CELSR1: variants seen among roughly 807,000 people sequenced by gnomAD.
CELSR1 encodes the protein cadherin EGF LAG seven-pass G-type receptor 1.
CELSR1 carries 110 observed loss-of-function variants against 249.1 expected under a neutral mutation model. That is an observed-to-expected ratio of 0.44 (90% CI 0.38 to 0.52). The LOEUF is 0.52. Among genes scored for constraint, CELSR1 ranks in the 20% least tolerant of loss-of-function variants. The pLI is 0.00. For missense variants in CELSR1, 4,109 were observed against 4,296.4 expected (o/e 0.96, Z 1.22); for synonymous variants, 2,113 against 1,900.0 (o/e 1.11, Z -2.92).
At chr22:46,478,115 C>T (rs1305840615) in intron 1 of CELSR1, among the ~76,000 whole-genome samples, 2 of 152,216 alleles carry the variant, frequency 1.3e-5, no homozygotes, top group Non-Finnish European at 2.9e-5. Flanking sequence ...CTGAGACTCT[C>T]AGCAGGTACC....
chr22:46,448,602 CA>C lies in CELSR1; in HGVS notation c.4184-9192del. ...TTTGAACTAGAAAAACTAGAATTTC[CA>C]AAGGCCACAATGGTAAAACTCAAGC... On this transcript the variant is annotated intron_variant, in intron 2 of 34. Coordinates refer to ENST00000674500, the MANE Select transcript of CELSR1 (RefSeq NM_001378328.1). The surrounding 1 kb of genome is among the most constrained non-coding windows in gnomAD (Gnocchi z 5.7). 1 of 431,144 alleles carries C rather than the reference CA, an allele frequency of 2.3e-6. No homozygotes were observed. The highest frequency in any genetic ancestry group is 4.6e-6 in the Non-Finnish European group (1 of 217,488). The allele number at this position is 431,144 out of a possible 1,614,324, so 26.7% of individuals were successfully genotyped here.
At chr22:46,458,450 G>C (rs1416467012) in intron 2 of CELSR1, among the ~76,000 whole-genome samples, 1 of 152,242 alleles carries the variant, frequency 6.6e-6, no homozygotes, top group Non-Finnish European at 1.5e-5. Flanking sequence ...ATGAAAACAG[G>C]GACAGGCAGC....
At chr22:46,431,163 T>C (rs907053885) in intron 5 of CELSR1, among the ~76,000 whole-genome samples, 3 of 152,142 alleles carry the variant, frequency 2.0e-5, no homozygotes, top group Admixed American at 6.5e-5. Flanking sequence ...ATGAGGCCCC[T>C]CTCCTCCGGG....
Position 46,433,585 on chromosome 22 carries a change from GC to G in CELSR1, c.4523-105del. ...CATCAGGGGGAGACAGGTGCACATG[GC>G]CACGTCCTCCCTCCCCTCCCCACGG... On this transcript the variant is annotated intron_variant, in intron 4 of 34. Coordinates refer to ENST00000674500, the MANE Select transcript of CELSR1 (RefSeq NM_001378328.1). The surrounding 1 kb of genome is among the most constrained non-coding windows in gnomAD (Gnocchi z 5.7). 1.3e-6 allele frequency: 1 copy of G among 785,198 alleles called. No homozygotes were observed. The highest frequency in any genetic ancestry group is 2.1e-6 in the Non-Finnish European group (1 of 472,308). 48.6% of individuals were successfully genotyped at this position (785,198 alleles called of 1,614,324 possible).
chr22:46,397,892 G>A (rs199788325), intron 11 of CELSR1, 44 bp from the exon 12 acceptor site: 215 of 1,440,014 alleles, frequency 1.5e-4, no homozygotes, highest in Middle Eastern at 1.9e-4. Flanking sequence ...GCCCGGAAAG[G>A]TATGTAGGGG....
rs147927278 is a variant in CELSR1 at position 46,466,719 on chromosome 22, C to T, written c.3545-2374G>A. Among the ~76,000 whole-genome samples, 451 of 152,326 alleles carry T rather than the reference C, an allele frequency of 3.0e-3. 2 individuals carry two copies. Among genetic ancestry groups the T allele is most frequent in the African/African-American group, 0.01 (434 of 41,570 alleles). ...AGACCAACCGTTCATCAACTTAAAA[C>T]ATTAAACCTCACTGCCCGGCATATA... On this transcript the variant is annotated intron_variant, in intron 1 of 34. Coordinates refer to ENST00000674500, the MANE Select transcript of CELSR1 (RefSeq NM_001378328.1).
Position 46,534,108 on chromosome 22 carries a change from A to C in CELSR1, c.3063T>G (p.Ile1021Met). 6.2e-7 allele frequency: 1 copy of C among 1,613,644 alleles called. No individual in the cohort carries two copies. The highest frequency in any genetic ancestry group is 8.5e-7 in the Non-Finnish European group (1 of 1,180,014). The change falls in exon 1 of 35, where the codon ATT (isoleucine) becomes ATG (methionine). Residue 1021 changes from isoleucine (I) to methionine (M), a missense_variant. This residue lies in a region of CELSR1 where 886 missense variants were observed against 896.5 expected (regional missense o/e 0.99). Coordinates refer to ENST00000674500, the MANE Select transcript of CELSR1 (RefSeq NM_001378328.1). The surrounding 1 kb of genome is among the most constrained non-coding windows in gnomAD (Gnocchi z 9.7). The part of the protein sequence containing the change: ...NNPVGSVVAK[I>M]RANDPDEGPN... ...GGCCTTCATCAGGGTCGTTAGCACG[A>C]ATCTTTGCCACCACCGACCCCACTG...
chr22:46,399,674 G>A lies in CELSR1; in HGVS notation c.5412+43C>T. On this transcript the variant is annotated intron_variant, in intron 10 of 34. Coordinates refer to ENST00000674500, the MANE Select transcript of CELSR1 (RefSeq NM_001378328.1). This position sits in a 1 kb window ranked among gnomAD's most constrained non-coding sequence, Gnocchi z 5.0. ...GGTCATTCTGTTTTTCCCTGGGCCGGAGGAAGGGTCTATCCCCAGAGGAGG... is the reference window on the plus strand; with the variant it reads ...GGTCATTCTGTTTTTCCCTGGGCCGAAGGAAGGGTCTATCCCCAGAGGAGG... The A allele has an allele frequency of 2.5e-6, 4 of 1,592,972 alleles. No individual in the cohort carries two copies. The highest frequency in any genetic ancestry group is 1.1e-5 in the South Asian group (1 of 90,460).
rs2079671879 is a variant in CELSR1, at chr22:46,437,129, C to T, written c.4407-840G>A. Among the ~76,000 whole-genome samples the T allele has an allele frequency of 2.6e-5, 4 of 152,310 alleles. No individual in the cohort carries two copies. Among genetic ancestry groups the T allele is most frequent in the South Asian group, 4.1e-4 (2 of 4,820 alleles). On this transcript the variant is annotated intron_variant, in intron 3 of 34. Transcript: ENST00000674500. The surrounding 1 kb of genome is among the most constrained non-coding windows in gnomAD (Gnocchi z 4.9). ...GAACAGACGCCTGAACATGAACAGG[C>T]CTGTCAGAACTTAGAGCACGCTGAG...
intron 1 of CELSR1, among the ~76,000 whole-genome samples, chr22:46,495,664 T>C (rs4823824): frequency 0.67 from 101,126 of 151,734 alleles, 34,854 homozygotes; most frequent in East Asian, 0.98. Flanking sequence ...GACGAAACCC[T>C]GTTTAGCCAG....
At chr22:46,478,589 C>T (rs2080234221) in intron 1 of CELSR1, among the ~76,000 whole-genome samples, 1 of 151,390 alleles carries the variant, frequency 6.6e-6, no homozygotes, top group Admixed American at 6.6e-5. Flanking sequence ...GTCGCCCAGT[C>T]TAAAGTGCAG....
intron 1 of CELSR1, among the ~76,000 whole-genome samples, chr22:46,480,146 G>A (rs1169577910): frequency 6.6e-6 from 1 of 152,202 alleles, no homozygotes; most frequent in African/African-American, 2.4e-5. Context: ...CACGGGCAAA[G>A]TGTTACTGCA....
chr22:46,502,130 G>A (rs184927195), intron 1 of CELSR1, among the ~76,000 whole-genome samples: 130 of 151,578 alleles, frequency 8.6e-4, no homozygotes, highest in Non-Finnish European at 1.1e-3. Flanking sequence ...GCACAGTGGC[G>A]CACAAGCCTG....
intron 2 of CELSR1, among the ~76,000 whole-genome samples, chr22:46,462,184 C>A (rs1175236673): frequency 6.6e-6 from 1 of 152,216 alleles, no homozygotes; most frequent in Non-Finnish European, 1.5e-5. Context: ...TGAGAGACAG[C>A]GGGGGGAAGA....
Position 46,536,021 on chromosome 22 carries a change from T to C in CELSR1, c.1150A>G (p.Ile384Val), listed in dbSNP as rs1412486258. The C allele has an allele frequency of 5.0e-6, 8 of 1,610,544 alleles. No individual in the cohort carries two copies. Among genetic ancestry groups the C allele is most frequent in the Non-Finnish European group, 6.8e-6 (8 of 1,179,926 alleles). The change falls in exon 1 of 35, where the codon ATC becomes GTC. Residue 384 changes from isoleucine to valine, a missense_variant. Ile to Val is a conservative substitution (Grantham distance 29). Coordinates refer to ENST00000674500, the MANE Select transcript of CELSR1 (RefSeq NM_001378328.1). ...TIRASDRDSPINANLRYRVLG... is the reference protein window; with the variant it reads ...TIRASDRDSPVNANLRYRVLG... ...ACGCGGTAACGCAAGTTGGCGTTGA[T>C]GGGCGAGTCGCGGTCGCTGGCGCGG...
rs1336739229 is a variant in CELSR1, at chr22:46,407,454, A to G, written c.5226+1542T>C. Among the ~76,000 whole-genome samples the G allele has an allele frequency of 6.6e-6, 1 of 152,042 alleles. No individual in the cohort carries two copies. Among genetic ancestry groups the G allele is most frequent in the African/African-American group, 2.4e-5 (1 of 41,404 alleles). On this transcript the variant is annotated intron_variant, in intron 9 of 34. Transcript: ENST00000674500. The surrounding 1 kb of genome is among the most constrained non-coding windows in gnomAD (Gnocchi z 4.8). ...AGACCAGCCTGGTCAACATAGCAAA[A>G]CCCTGTCTCTACTAAAAATACAGCA...
At chr22:46,394,818 T>G (rs2079130797) in intron 13 of CELSR1, among the ~76,000 whole-genome samples, 1 of 152,208 alleles carries the variant, frequency 6.6e-6, no homozygotes, top group South Asian at 2.1e-4. Flanking sequence ...CAGAAGCCAG[T>G]CCTGCCTCCC....
intron 1 of CELSR1, among the ~76,000 whole-genome samples, chr22:46,469,481 G>C (rs1453850725): frequency 6.6e-6 from 1 of 152,254 alleles, no homozygotes; most frequent in East Asian, 1.9e-4. Flanking sequence ...TTGTACAAGA[G>C]TGGCAGGGCT....
In CELSR1 at chr22:46,363,081, G is replaced by T. The variant is rs956263160; in HGVS notation, c.*142C>A. The T allele has an allele frequency of 1.4e-5, 22 of 1,563,908 alleles. No homozygotes were observed. The highest frequency in any genetic ancestry group is 1.8e-5 in the Non-Finnish European group (20 of 1,138,208). ...TCGGGGGGCTGCCACCATGGGGACC[G>T]CCACACTCTGGGCCCACTCCACTTC... On this transcript the variant is annotated 3_prime_UTR_variant, in exon 35 of 35. Coordinates refer to ENST00000674500, the MANE Select transcript of CELSR1 (RefSeq NM_001378328.1). The surrounding 1 kb of genome is among the most constrained non-coding windows in gnomAD (Gnocchi z 4.3).
Sources: allele counts gnomAD v4.1 joint callset (sites outside exome capture counted in the v4.1 genomes callset), GRCh38; gene constraint gnomAD v4.1.1; regional missense constraint gnomAD v4.1.1; non-coding constraint Gnocchi (gnomAD v3.1); transcripts MANE v1.5; gene names NCBI Gene and HGNC (gene_info 2026-07-23, HGNC 2026-07-21).